GRM7: variants seen among roughly 807,000 people sequenced by gnomAD.
GRM7 encodes glutamate metabotropic receptor 7.
A neutral mutation model predicts 84.5 loss-of-function variants in GRM7; 35 were observed. That is an observed-to-expected ratio of 0.41 (90% CI 0.32 to 0.55). The LOEUF is 0.55. Among genes scored for constraint, GRM7 ranks in the 20% least tolerant of loss-of-function variants. The pLI, the probability that GRM7 is intolerant of heterozygous loss-of-function variation, is 0.19. For synonymous variants in GRM7, 487 were observed against 455.1 expected (o/e 1.07, Z -0.89); for missense variants, 1,003 against 1,194.6 (o/e 0.84, Z 2.36).
chr3:7,626,742 A>C (rs1412484433), intron 8 of GRM7, among the ~76,000 whole-genome samples: 1 of 152,128 alleles, frequency 6.6e-6, no homozygotes, highest in Admixed American at 6.5e-5. Context: ...AACCAATTAC[A>C]TATTCAATGG....
intron 2 of GRM7, among the ~76,000 whole-genome samples, chr3:7,201,460 G>A (rs1696066904): frequency 6.6e-6 from 1 of 151,908 alleles, no homozygotes; most frequent in African/African-American, 2.4e-5. Context: ...TTTTCTTCCT[G>A]GGTCAGTCAC....
intron 2 of GRM7, among the ~76,000 whole-genome samples, chr3:7,207,322 C>G (rs1254730219): frequency 6.6e-6 from 1 of 152,178 alleles, no homozygotes; most frequent in East Asian, 1.9e-4. Context: ...AGGGCTTCTG[C>G]ATCAGGAGCT....
chr3:7,554,927 A>G (rs899198273), intron 7 of GRM7, among the ~76,000 whole-genome samples: 1 of 152,218 alleles, frequency 6.6e-6, no homozygotes, highest in Admixed American at 6.5e-5. Flanking sequence ...TCCTGCCCCA[A>G]GGGAGAGTGG....
intron 2 of GRM7, among the ~76,000 whole-genome samples, chr3:7,183,500 G>A (rs1445561429): frequency 6.6e-6 from 1 of 152,088 alleles, no homozygotes; most frequent in African/African-American, 2.4e-5. Flanking sequence ...GGTGGTGCAT[G>A]CCTGTAGTCC....
intron 5 of GRM7, among the ~76,000 whole-genome samples, chr3:7,450,874 T>G (rs927848522): frequency 2.0e-5 from 3 of 152,100 alleles, no homozygotes; most frequent in Non-Finnish European, 4.4e-5. Context: ...AAATACAAAT[T>G]CAAGTAAATT....
chr3:7,459,752 G>A (rs1162618935), intron 6 of GRM7, among the ~76,000 whole-genome samples: 2 of 152,104 alleles, frequency 1.3e-5, no homozygotes, highest in Non-Finnish European at 2.9e-5. Context: ...TGAGATTTGA[G>A]TGGGGAAACA....
chr3:6,894,983 C>T (rs1202921515), intron 1 of GRM7, among the ~76,000 whole-genome samples: 1 of 152,146 alleles, frequency 6.6e-6, no homozygotes, highest in Non-Finnish European at 1.5e-5. Context: ...TAACAAGTAA[C>T]AATTTCATAA....
chr3:7,079,514 CT>C (rs60271856), intron 1 of GRM7, among the ~76,000 whole-genome samples: 20,198 of 151,578 alleles, frequency 0.13, 2,064 homozygotes, highest in African/African-American at 0.29. Context: ...TGAAACATTT[CT>C]TTTTTTTTAT....
At chr3:7,451,046 G>T (rs912451933) in intron 5 of GRM7, among the ~76,000 whole-genome samples, 3 of 151,924 alleles carry the variant, frequency 2.0e-5, no homozygotes, top group African/African-American at 7.3e-5. Flanking sequence ...AACTCTTATT[G>T]TGAGGTTGTA....
intron 1 of GRM7, among the ~76,000 whole-genome samples, chr3:7,098,605 A>C (rs1456306782): frequency 6.6e-6 from 1 of 152,040 alleles, no homozygotes; most frequent in Non-Finnish European, 1.5e-5. Context: ...ATAAAACTTC[A>C]AGGTGAAAAT....
intron 7 of GRM7, among the ~76,000 whole-genome samples, chr3:7,493,873 T>G (rs1170284649): frequency 6.6e-6 from 1 of 152,086 alleles, no homozygotes; most frequent in Non-Finnish European, 1.5e-5. Context: ...TTAAAATATA[T>G]GTACATGACC....
chr3:7,487,462 T>C (rs1699362598), intron 7 of GRM7, among the ~76,000 whole-genome samples: 1 of 151,954 alleles, frequency 6.6e-6, no homozygotes. Flanking sequence ...AACAAAATGG[T>C]TTCAGGGGAC....
intron 4 of GRM7, among the ~76,000 whole-genome samples, chr3:7,414,392 T>C (rs1340581315): frequency 6.6e-6 from 1 of 152,092 alleles, no homozygotes; most frequent in Non-Finnish European, 1.5e-5. Context: ...ATTCATAGAT[T>C]TGGGATTTGA....
chr3:7,042,462 A>G (rs1696661611), intron 1 of GRM7, among the ~76,000 whole-genome samples: 2 of 152,218 alleles, frequency 1.3e-5, no homozygotes, highest in South Asian at 4.1e-4. Flanking sequence ...TAGCTTTATA[A>G]GAAACTGCCT....
chr3:7,494,496 T>C lies in GRM7; in HGVS notation c.1515+32774T>C, dbSNP rs142697567. ...AGCTTCTTTAGCCTATAGGTTTGTG[T>C]CTGTAAAATTTGGAAAGTGTCCAGC... On this transcript the variant is annotated intron_variant, in intron 7 of 9. Transcript: ENST00000357716. Among the ~76,000 whole-genome samples the C allele has an allele frequency of 2.9e-3, 442 of 152,332 alleles. 3 individuals are homozygous for C. Among genetic ancestry groups the C allele is most frequent in the African/African-American group, 0.01 (425 of 41,590 alleles).
chr3:7,249,778 G>A (rs1209766643), intron 2 of GRM7, among the ~76,000 whole-genome samples: 2 of 152,192 alleles, frequency 1.3e-5, no homozygotes, highest in Non-Finnish European at 2.9e-5. Flanking sequence ...GCATGTGAGA[G>A]AGACCAAAAA....
chr3:6,989,159 C>T (rs991215028), intron 1 of GRM7, among the ~76,000 whole-genome samples: 1 of 152,166 alleles, frequency 6.6e-6, no homozygotes, highest in Non-Finnish European at 1.5e-5. Flanking sequence ...GCATTTTACA[C>T]AAAGAGATTT....
intron 3 of GRM7, among the ~76,000 whole-genome samples, chr3:7,302,776 G>A (rs905621759): frequency 5.9e-5 from 9 of 151,366 alleles, no homozygotes; most frequent in Non-Finnish European, 1.3e-4. Context: ...TCATCCTTTG[G>A]ATGTATTGTC....
intron 1 of GRM7, among the ~76,000 whole-genome samples, chr3:7,138,682 C>A (rs1483413281): frequency 1.3e-5 from 2 of 151,346 alleles, no homozygotes; most frequent in African/African-American, 4.8e-5. Context: ...TTTTTTTTCA[C>A]AATTTCTTTA....
Sources: allele counts gnomAD v4.1 joint callset (sites outside exome capture counted in the v4.1 genomes callset), GRCh38; gene constraint gnomAD v4.1.1; transcripts MANE v1.5; gene names NCBI Gene and HGNC (gene_info 2026-07-23, HGNC 2026-07-21).